IQANK1: variants seen among roughly 807,000 people sequenced by gnomAD.
The protein encoded by IQANK1 is IQ motif and ankyrin repeat containing 1, also known as IQ motif and ankyrin repeat domain-containing protein 1.
A neutral mutation model predicts 22.6 loss-of-function variants in IQANK1; 30 were observed. The ratio of observed to expected loss-of-function variants is 1.33; its 90% CI spans 0.99 to 1.80. IQANK1 has a LOEUF of 1.80. IQANK1 is among the 40% of genes most tolerant of loss of function. The pLI is 0.00. For synonymous variants in IQANK1, 122 were observed against 99.6 expected, an observed-to-expected ratio of 1.23 and a Z score of -1.34; for missense variants, 275 against 235.2, an observed-to-expected ratio of 1.17 and a Z score of -1.11.
chr8:143,736,929 G>C (rs1818754740), intron 2 of IQANK1, among the ~76,000 whole-genome samples: 1 of 152,136 alleles, frequency 6.6e-6, no homozygotes, highest in African/African-American at 2.4e-5. Context: ...GTCTGTGCTT[G>C]CTAAGAGAGC....
chr8:143,780,051 A>G (rs1819762489), intron 7 of IQANK1, among the ~76,000 whole-genome samples: 1 of 152,192 alleles, frequency 6.6e-6, no homozygotes, highest in Admixed American at 6.5e-5. Flanking sequence ...TTGTGGCTCA[A>G]TTATTTACCA....
At chr8:143,787,336 G>T (rs574810626) in intron 7 of IQANK1, among the ~76,000 whole-genome samples, 1 of 152,140 alleles carries the variant, frequency 6.6e-6, no homozygotes, top group Non-Finnish European at 1.5e-5. Context: ...GTTAGCCTGT[G>T]GATCCATCAG....
chr8:143,769,938 A>C (rs1819542223), intron 3 of IQANK1, among the ~76,000 whole-genome samples: 1 of 152,180 alleles, frequency 6.6e-6, no homozygotes, highest in Non-Finnish European at 1.5e-5. Flanking sequence ...GTGTTTCTGT[A>C]AAAAGCCTTC....
rs1212891641 is a variant in IQANK1, at chr8:143,789,861, C to T, written c.1187C>T (p.Thr396Met). ...AMARLELREQ[T>M]QEGEEEAPGL... is the part of the protein sequence containing the mutation. ...GCCAGGCTGGAGCTTCGGGAGCAGA[C>T]GCAGGAGGGTGGGCCTGGCATGGGG... Residue 396 changes from threonine (T) to methionine (M), a missense_variant, in exon 11 of 14, where the codon ACG (threonine) becomes ATG (methionine). By Grantham distance (81) the Thr-to-Met change is moderately conservative. Transcript: ENST00000527139. 3.2e-6 allele frequency: 4 copies of T among 1,232,048 alleles called. No individual in the cohort carries two copies. Among genetic ancestry groups the T allele is most frequent in the Admixed American group, 4.2e-5 (1 of 23,730 alleles). 76.3% of individuals were successfully genotyped at this position (1,232,048 alleles called of 1,614,324 possible).
At chr8:143,752,133 T>G (rs1247325986) in intron 3 of IQANK1, among the ~76,000 whole-genome samples, 1 of 152,000 alleles carries the variant, frequency 6.6e-6, no homozygotes, top group Non-Finnish European at 1.5e-5. Context: ...GCCCAGCTAA[T>G]TTTTGTATTT....
intron 3 of IQANK1, chr8:143,743,002 G>A (rs1554626815): frequency 1.1e-5 from 5 of 456,080 alleles, no homozygotes; most frequent in African/African-American, 2.0e-5. Flanking sequence ...CCACCCCCCA[G>A]AACTCCTGGG....
chr8:143,787,928 C>G (rs1819926119), intron 7 of IQANK1, among the ~76,000 whole-genome samples: 2 of 152,138 alleles, frequency 1.3e-5, no homozygotes, highest in African/African-American at 2.4e-5. Flanking sequence ...TCGGTCTGCT[C>G]TTGGTTGTGG....
rs1422213765 is a variant in IQANK1, at chr8:143,734,206, G to T, written c.-18G>T. 2 of 152,180 alleles carry T rather than the reference G, an allele frequency of 1.3e-5. No homozygotes were observed. Among genetic ancestry groups the T allele is most frequent in the Non-Finnish European group, 2.9e-5 (2 of 68,024 alleles). 9.4% of individuals were successfully genotyped at this position (152,180 alleles called of 1,614,324 possible). A position where few individuals can be genotyped will look rare whatever the true frequency, so the allele number is the denominator to read the frequency against. On this transcript the variant is annotated 5_prime_UTR_variant, in exon 1 of 14. It adds an upstream start codon to the 5' untranslated region. Coordinates refer to ENST00000527139, the MANE Select transcript of IQANK1 (RefSeq NM_001381874.1). ...CTGGCCTCCTCGCCGAGTTGGGGGAGGCAGGTGCGACAGGTGAGGACGGTG... is the reference window on the plus strand; with the variant it reads ...CTGGCCTCCTCGCCGAGTTGGGGGATGCAGGTGCGACAGGTGAGGACGGTG...
chr8:143,743,759 T>G (rs1350722726), intron 3 of IQANK1: 3 of 345,772 alleles, frequency 8.7e-6, no homozygotes, highest in Admixed American at 3.9e-5. Flanking sequence ...TGAATAATTA[T>G]GCTGCCATCT....
rs957477792 is a variant in IQANK1, at chr8:143,735,876, C to A, written c.23C>A (p.Pro8His). 7.1e-6 allele frequency: 5 copies of A among 702,616 alleles called. No homozygotes were observed. The highest frequency in any genetic ancestry group is 1.3e-5 in the Non-Finnish European group (5 of 384,918). The allele number at this position is 702,616 out of a possible 1,614,324, so 43.5% of individuals were successfully genotyped here. Residue 8 changes from proline to histidine, a missense_variant, in exon 2 of 14, where the codon CCC (proline) becomes CAC (histidine). Pro to His is a moderately conservative substitution (Grantham distance 77). Coordinates refer to ENST00000527139, the MANE Select transcript of IQANK1 (RefSeq NM_001381874.1). This position sits in a 1 kb window ranked among gnomAD's most constrained non-coding sequence, Gnocchi z 5.2. Reference sequence around the variant, plus strand: ...AGAATGGACAGTAAGAAGGGGAGACCCAAAGCTGCAGCTGGGAAGTGGCAG... The same window carrying A: ...AGAATGGACAGTAAGAAGGGGAGACACAAAGCTGCAGCTGGGAAGTGGCAG... MDSKKGR[P>H]KAAAGKWQTL...
intron 3 of IQANK1, among the ~76,000 whole-genome samples, chr8:143,747,946 TCCTTTCCTTTCCTTTCCTTTCCTTTC>T (rs1426613963): frequency 7.1e-6 from 1 of 141,730 alleles, no homozygotes; most frequent in African/African-American, 2.8e-5. Context: ...TCCTTTCCTT[TCCTTTCCTTTCCTTTCCTTTCCTTTC>T]CCTTTCCTTT....
At chr8:143,734,716 C>A (rs1181890861) in intron 1 of IQANK1, among the ~76,000 whole-genome samples, 1 of 152,060 alleles carries the variant, frequency 6.6e-6, no homozygotes, top group Non-Finnish European at 1.5e-5. Context: ...ACTCTGAGAG[C>A]ACAGGGGACC....
chr8:143,755,630 C>T (rs558936479), intron 3 of IQANK1, among the ~76,000 whole-genome samples: 39 of 152,304 alleles, frequency 2.6e-4, no homozygotes, highest in African/African-American at 8.4e-4. Flanking sequence ...TCCCAAAGTG[C>T]TGGGATTACA....
At chr8:143,775,355 GACACAC>G (rs1216128730) in intron 7 of IQANK1, among the ~76,000 whole-genome samples, 38 of 99,540 alleles carry the variant, frequency 3.8e-4, no homozygotes, top group African/African-American at 1.0e-3. Context: ...CACACACACA[GACACAC>G]ACACACACAC....
At chr8:143,761,959 A>T (rs2129877544) in intron 3 of IQANK1, among the ~76,000 whole-genome samples, 1 of 152,276 alleles carries the variant, frequency 6.6e-6, no homozygotes, top group East Asian at 1.9e-4. Flanking sequence ...TATTTCAAGG[A>T]GAGTAACACA....
rs1343567364 is a variant in IQANK1 at position 143,774,238 on chromosome 8, T to A, written c.789+1756T>A. ...TCATCAGAATGTAAAATGTTTGCTT[T>A]GTAAAAGACCTGTCAAGAAGAAAAG... is the stretch of plus-strand genomic sequence containing the variant. On this transcript the variant is annotated intron_variant, in intron 7 of 13. Transcript: ENST00000527139. This position sits in a 1 kb window ranked among gnomAD's most constrained non-coding sequence, Gnocchi z 4.2. Among the ~76,000 whole-genome samples, 2 of 150,984 alleles carry A rather than the reference T, an allele frequency of 1.3e-5. No individual in the cohort carries two copies. Among genetic ancestry groups the A allele is most frequent in the African/African-American group, 4.9e-5 (2 of 41,102 alleles).
chr8:143,789,211 C>T lies in IQANK1; in HGVS notation c.961C>T (p.Leu321=), dbSNP rs1163217564. The part of the protein sequence containing the change: ...CGSMTLKVQQ[L]TREQQQCHKE... ...TAGTATGACCCTCAAGGTCCAACAGCTGACCAGGGAGCAGCAGCAGTGTCA... is the reference window on the plus strand; with the variant it reads ...TAGTATGACCCTCAAGGTCCAACAGTTGACCAGGGAGCAGCAGCAGTGTCA... The change falls in exon 9 of 14, where the codon CTG becomes TTG. Residue 321 remains leucine (L), a synonymous_variant. Transcript: ENST00000527139. 2.5e-6 allele frequency: 1 copy of T among 399,522 alleles called. No individual in the cohort carries two copies. The highest frequency in any genetic ancestry group is 4.4e-6 in the Non-Finnish European group (1 of 226,472). 24.7% of individuals were successfully genotyped at this position (399,522 alleles called of 1,614,324 possible).
At chr8:143,748,571 A>G (rs1376602575) in intron 3 of IQANK1, among the ~76,000 whole-genome samples, 2 of 134,654 alleles carry the variant, frequency 1.5e-5, no homozygotes, top group Admixed American at 1.7e-4. Context: ...TATATCATAT[A>G]TAATATATAA....
chr8:143,784,044 G>A (rs1819842911), intron 7 of IQANK1, among the ~76,000 whole-genome samples: 1 of 152,110 alleles, frequency 6.6e-6, no homozygotes, highest in Non-Finnish European at 1.5e-5. Context: ...CTTGGGTTTT[G>A]GAAAGTTCTC....
Sources: gnomAD v4.1 joint callset for allele counts (sites outside exome capture counted in the v4.1 genomes callset) on GRCh38, gnomAD v4.1.1 for gene constraint, Gnocchi (gnomAD v3.1) non-coding constraint, MANE v1.5 for transcripts, NCBI Gene and HGNC (gene_info 2026-07-23, HGNC 2026-07-21) for gene names.